GMEB1: variants seen among roughly 807,000 people sequenced by gnomAD.
GMEB1 encodes the protein glucocorticoid modulatory element-binding protein 1.
GMEB1 carries 6 observed loss-of-function variants against 52.4 expected under a neutral mutation model. That is an observed-to-expected ratio of 0.11 (90% CI 0.06 to 0.23). GMEB1 has a LOEUF of 0.23. Among genes scored for constraint, GMEB1 ranks in the 10% least tolerant of loss-of-function variants. The pLI, the probability that GMEB1 is intolerant of heterozygous loss-of-function variation, is 1.00. For synonymous variants in GMEB1, 255 were observed against 244.9 expected (o/e 1.04, Z -0.38); for missense variants, 486 against 685.6 (o/e 0.71, Z 3.25).
chr1:28,678,197 A>T (rs982488619), intron 1 of GMEB1, among the ~76,000 whole-genome samples: 19 of 152,084 alleles, frequency 1.2e-4, no homozygotes, highest in Non-Finnish European at 1.5e-5. Flanking sequence ...CTCAAAAAAA[A>T]AAAAAAGAAA....
chr1:28,678,323 G>GT (rs1669245998), intron 1 of GMEB1, among the ~76,000 whole-genome samples: 2 of 151,812 alleles, frequency 1.3e-5, no homozygotes, highest in Non-Finnish European at 2.9e-5. Context: ...TTGTTTGTTT[G>GT]TTTTTTGAGA....
intron 8 of GMEB1, among the ~76,000 whole-genome samples, chr1:28,706,685 G>C (rs1202076864): frequency 1.3e-5 from 2 of 151,298 alleles, no homozygotes; most frequent in African/African-American, 2.4e-5. Context: ...TTTATTTAGA[G>C]ACGGAGTCTC....
chr1:28,680,204 G>A (rs891070852), intron 1 of GMEB1, among the ~76,000 whole-genome samples: 1 of 129,154 alleles, frequency 7.7e-6, no homozygotes, highest in Non-Finnish European at 1.7e-5. Flanking sequence ...AACATAGTGA[G>A]ATCCTGTCTC....
chr1:28,676,904 A>T (rs554118607), intron 1 of GMEB1, among the ~76,000 whole-genome samples: 1 of 152,014 alleles, frequency 6.6e-6, no homozygotes, highest in Admixed American at 6.6e-5. Flanking sequence ...ATACAAAAAG[A>T]TTAGCTAGAC....
chr1:28,710,437 G>A, intron 8 of GMEB1, 83 bp from the exon 9 acceptor site: 1 of 1,093,064 alleles, frequency 9.1e-7, no homozygotes, highest in Non-Finnish European at 1.2e-6. Context: ...ATTTCTGGTT[G>A]TTTCATATTT....
intron 1 of GMEB1, among the ~76,000 whole-genome samples, chr1:28,682,689 G>A (rs1228842001): frequency 1.3e-5 from 2 of 150,822 alleles, no homozygotes; most frequent in Non-Finnish European, 2.9e-5. Flanking sequence ...GCAACTACAT[G>A]ATAAAAGTCA....
intron 2 of GMEB1, among the ~76,000 whole-genome samples, chr1:28,685,305 G>A (rs1669589024): frequency 6.6e-6 from 1 of 151,708 alleles, no homozygotes; most frequent in Non-Finnish European, 1.5e-5. Flanking sequence ...CGCCTCCCAG[G>A]TTTAAGTGAT....
In GMEB1 at chr1:28,715,934, A is replaced by G. The variant is rs1327612955; in HGVS notation, c.*1161A>G. 6.6e-6 allele frequency: 1 copy of G among 151,904 alleles called. No individual in the cohort carries two copies. The highest frequency in any genetic ancestry group is 1.5e-5 in the Non-Finnish European group (1 of 68,050). 9.4% of individuals were successfully genotyped at this position (151,904 alleles called of 1,614,324 possible). ...TGGTGAAACCCCGTCTCTACTGAAA[A>G]TACAAAAAAAAAAAATTAGCTGGGC... On this transcript the variant is annotated 3_prime_UTR_variant, in exon 10 of 10. Coordinates refer to ENST00000373816, the MANE Select transcript of GMEB1 (RefSeq NM_001319674.2).
At chr1:28,700,226 G>C (rs1670431954) in intron 6 of GMEB1, among the ~76,000 whole-genome samples, 1 of 150,938 alleles carries the variant, frequency 6.6e-6, no homozygotes, top group Non-Finnish European at 1.5e-5. Context: ...AAATTAGCTG[G>C]GCATGGCTGG....
In GMEB1 at chr1:28,699,697, T is replaced by TAGAGTTAC. The variant is rs553609160; in HGVS notation, c.598+2615_598+2622dup. ...CACCCACCTCAGCCTCCCAAAGTGC[T>TAGAGTTAC]AGAGTTACAAATGTGAGCCACCATG... On this transcript the variant is annotated intron_variant, in intron 6 of 9. Coordinates refer to ENST00000373816, the MANE Select transcript of GMEB1 (RefSeq NM_001319674.2). Among the ~76,000 whole-genome samples the TAGAGTTAC allele has an allele frequency of 2.0e-4, 31 of 152,068 alleles. No homozygotes were observed. The South Asian group carries it at 5.2e-3, about 25-fold the overall frequency.
At position 28,691,622 on chromosome 1, in the gene GMEB1, T is replaced by C; in HGVS notation, c.249T>C (p.Ile83=). ...GTIEANEDME[I]AYPITCGESK... is the part of the protein sequence containing the mutation. ...TAGAAGCAAATGAGGATATGGAAAT[T>C]GCTTACCCCATAACTTGTGGGGAGA... Residue 83 remains isoleucine (I), a synonymous_variant, in exon 4 of 10, where the codon ATT becomes ATC. Transcript: ENST00000373816. The C allele has an allele frequency of 6.3e-7, 1 of 1,579,282 alleles. No homozygotes were observed. Among genetic ancestry groups the C allele is most frequent in the Non-Finnish European group, 8.6e-7 (1 of 1,156,166 alleles).
chr1:28,700,872 G>T (rs752251480), intron 6 of GMEB1, among the ~76,000 whole-genome samples: 1 of 152,094 alleles, frequency 6.6e-6, no homozygotes, highest in Non-Finnish European at 1.5e-5. Flanking sequence ...GCTATTTACA[G>T]TTGGCCCTTG....
chr1:28,691,568 A>G lies in GMEB1; in HGVS notation c.212-17A>G, dbSNP rs1004851926. On this transcript the variant is annotated splice_polypyrimidine_tract_variant and intron_variant, in intron 3 of 9. Coordinates refer to ENST00000373816, the MANE Select transcript of GMEB1 (RefSeq NM_001319674.2). The stretch of plus-strand genomic sequence containing the variant: ...AAGAGTTGTTTGATAAATAACTGAT[A>G]TTTTTTCTGTTTTCAGATACAGGCA... 5 of 1,511,302 alleles carry G rather than the reference A, an allele frequency of 3.3e-6. No individual in the cohort carries two copies. Among genetic ancestry groups the G allele is most frequent in the Non-Finnish European group, 4.5e-6 (5 of 1,112,280 alleles). The allele number at this position is 1,511,302 out of a possible 1,614,324, so 93.6% of individuals were successfully genotyped here.
In GMEB1 at chr1:28,716,952, A is replaced by G. The variant is rs1671291064; in HGVS notation, c.*2179A>G. 2 of 152,122 alleles carry G rather than the reference A, an allele frequency of 1.3e-5. No homozygotes were observed. Among genetic ancestry groups the G allele is most frequent in the Admixed American group, 6.6e-5 (1 of 15,252 alleles). The allele number at this position is 152,122 out of a possible 1,614,324, so 9.4% of individuals were successfully genotyped here. ...AAACTACAGACAAATTTAAGGAAAAATAGGTCAAAAAAGAAAGCACACACC... is the reference window on the plus strand; with the variant it reads ...AAACTACAGACAAATTTAAGGAAAAGTAGGTCAAAAAAGAAAGCACACACC... On this transcript the variant is annotated 3_prime_UTR_variant, in exon 10 of 10. Transcript: ENST00000373816.
intron 2 of GMEB1, among the ~76,000 whole-genome samples, chr1:28,683,973 G>A (rs1286259652): frequency 6.6e-6 from 1 of 151,982 alleles, no homozygotes; most frequent in African/African-American, 2.4e-5. Context: ...TGAGCTCCTT[G>A]AGGGTAAGTT....
intron 1 of GMEB1, among the ~76,000 whole-genome samples, chr1:28,673,918 T>C (rs1477640954): frequency 6.6e-6 from 1 of 151,780 alleles, no homozygotes; most frequent in Admixed American, 6.6e-5. Flanking sequence ...GAGGCCGTGG[T>C]GGGTGGATCA....
chr1:28,674,945 TCCTGA>T (rs1387075618), intron 1 of GMEB1, among the ~76,000 whole-genome samples: 1 of 135,036 alleles, frequency 7.4e-6, no homozygotes, highest in Non-Finnish European at 1.6e-5. Flanking sequence ...GGTCTCGATC[TCCTGA>T]CCTCGTGATC....
At chr1:28,699,407 G>C (rs996330143) in intron 6 of GMEB1, among the ~76,000 whole-genome samples, 1 of 151,944 alleles carries the variant, frequency 6.6e-6, no homozygotes, top group Non-Finnish European at 1.5e-5. Flanking sequence ...AAAAGGTTAG[G>C]GACATACACT....
In GMEB1 at chr1:28,718,799, T is replaced by A. The variant is rs1671335244; in HGVS notation, c.*4026T>A. 6.6e-6 allele frequency: 1 copy of A among 152,174 alleles called. No homozygotes were observed. The highest frequency in any genetic ancestry group is 6.6e-5 in the Admixed American group (1 of 15,262). 9.4% of individuals were successfully genotyped at this position (152,174 alleles called of 1,614,324 possible). ...TGCTGTGTGTGATAGGGCTATTGGC[T>A]AGGAGCTGAGAGAACAAAGCATGAA... On this transcript the variant is annotated 3_prime_UTR_variant, in exon 10 of 10. Transcript: ENST00000373816.
Sources: gnomAD v4.1 joint callset for allele counts (sites outside exome capture counted in the v4.1 genomes callset) on GRCh38, gnomAD v4.1.1 for gene constraint, MANE v1.5 for transcripts, NCBI Gene and HGNC (gene_info 2026-07-23, HGNC 2026-07-21) for gene names.